Variants in GPC5 observed in about 807,000 individuals in gnomAD.
GPC5 encodes glypican-5.
Under a neutral mutation model 53.9 loss-of-function variants are expected in GPC5, and 47 were observed. The observed-to-expected ratio is 0.87, with a 90% confidence interval of 0.69 to 1.11. The LOEUF is 1.11. Among genes scored for constraint, GPC5 ranks in the 50% most tolerant of loss-of-function variants. The probability of loss-of-function intolerance (pLI) is 0.00; values close to 1 mark genes in which losing one functional copy is unlikely to be tolerated. For synonymous variants in GPC5, 286 were observed against 263.3 expected (o/e 1.09, Z -0.84); for missense variants, 748 against 713.1 (o/e 1.05, Z -0.56).
chr13:91,565,360 T>C lies in GPC5; in HGVS notation c.325+116438T>C, dbSNP rs112153297. On this transcript the variant is annotated intron_variant, in intron 2 of 7. Coordinates refer to ENST00000377067, the MANE Select transcript of GPC5 (RefSeq NM_004466.6). Reference sequence around the variant, plus strand: ...CAATGTACAGTTGTTAGAAAAAATTTGGAGTTTATACTGCTTAAGCAATGC... The same window carrying C: ...CAATGTACAGTTGTTAGAAAAAATTCGGAGTTTATACTGCTTAAGCAATGC... Among the ~76,000 whole-genome samples the C allele has an allele frequency of 8.5e-5, 13 of 152,280 alleles. 1 individual carries two copies. Among genetic ancestry groups the C allele is most frequent in the African/African-American group, 3.1e-4 (13 of 41,586 alleles).
At chr13:92,254,623 TA>T (rs1406759644) in intron 7 of GPC5, among the ~76,000 whole-genome samples, 9 of 152,146 alleles carry the variant, frequency 5.9e-5, no homozygotes, top group African/African-American at 2.2e-4. Flanking sequence ...GAGTAATTTA[TA>T]AAGGAAAGAG....
chr13:92,789,025 G>T (rs758343332), intron 7 of GPC5, among the ~76,000 whole-genome samples: 5 of 152,100 alleles, frequency 3.3e-5, no homozygotes, highest in Non-Finnish European at 7.4e-5. Flanking sequence ...GAAAGCCCTC[G>T]TCAGGCCAGC....
intron 7 of GPC5, among the ~76,000 whole-genome samples, chr13:92,556,998 T>C (rs542792225): frequency 6.3e-4 from 95 of 151,982 alleles, no homozygotes; most frequent in Non-Finnish European, 1.3e-3. Flanking sequence ...ACACAGGGAA[T>C]GTTTTAATCT....
At chr13:91,676,053 C>T (rs1255648086) in intron 2 of GPC5, among the ~76,000 whole-genome samples, 1 of 152,008 alleles carries the variant, frequency 6.6e-6, no homozygotes, top group African/African-American at 2.4e-5. Flanking sequence ...ATCATGGGAG[C>T]CTTTGGCTTT....
At position 91,931,776 on chromosome 13, in the gene GPC5, C is replaced by T. The variant is rs183657556; in HGVS notation, c.1401+23719C>T. 3.1e-4 allele frequency among the ~76,000 whole-genome samples: 47 copies of T among 152,090 alleles called. No individual in the cohort carries two copies. In the East Asian group the frequency reaches 7.3e-3, roughly 24 times the overall value. On this transcript the variant is annotated intron_variant, in intron 6 of 7. Transcript: ENST00000377067. ...TTTTATTGCTTCAGCCCCAAATTCACGAATGAGTTGATTCGTGGCACTTCA... is the reference window on the plus strand; with the variant it reads ...TTTTATTGCTTCAGCCCCAAATTCATGAATGAGTTGATTCGTGGCACTTCA...
chr13:92,212,357 T>C (rs916928302), intron 7 of GPC5, among the ~76,000 whole-genome samples: 2 of 152,162 alleles, frequency 1.3e-5, no homozygotes, highest in African/African-American at 4.8e-5. Context: ...ATGAGTATTT[T>C]TATTTACAGT....
intron 7 of GPC5, among the ~76,000 whole-genome samples, chr13:92,668,307 T>C (rs1386102670): frequency 6.6e-6 from 1 of 152,150 alleles, no homozygotes; most frequent in African/African-American, 2.4e-5. Flanking sequence ...TCTTCCCATT[T>C]TATATTTATG....
At chr13:92,037,084 A>G (rs2040899326) in intron 6 of GPC5, among the ~76,000 whole-genome samples, 1 of 152,184 alleles carries the variant, frequency 6.6e-6, no homozygotes, top group South Asian at 2.1e-4. Flanking sequence ...TTATGCTCAC[A>G]AATAACCAAA....
At chr13:92,313,399 C>A (rs1268302433) in intron 7 of GPC5, among the ~76,000 whole-genome samples, 1 of 152,196 alleles carries the variant, frequency 6.6e-6, no homozygotes, top group Non-Finnish European at 1.5e-5. Flanking sequence ...CACATAGTGT[C>A]TGAATTTTAC....
At chr13:91,743,938 A>G (rs537637924) in intron 4 of GPC5, among the ~76,000 whole-genome samples, 16 of 152,222 alleles carry the variant, frequency 1.1e-4, no homozygotes, top group African/African-American at 3.9e-4. Flanking sequence ...CAGAAATGTG[A>G]TTCATTCTGG....
chr13:92,377,060 C>G (rs893698037), intron 7 of GPC5, among the ~76,000 whole-genome samples: 1 of 151,884 alleles, frequency 6.6e-6, no homozygotes, highest in Non-Finnish European at 1.5e-5. Context: ...TGAAGTAAGA[C>G]AGTCATGTGG....
intron 7 of GPC5, among the ~76,000 whole-genome samples, chr13:92,223,363 C>T (rs1023107336): frequency 6.6e-6 from 1 of 152,118 alleles, no homozygotes; most frequent in Non-Finnish European, 1.5e-5. Context: ...CGGGTTCAAC[C>T]ATTCTTTCAC....
intron 7 of GPC5, among the ~76,000 whole-genome samples, chr13:92,528,838 A>T (rs1223653901): frequency 6.6e-6 from 1 of 151,954 alleles, no homozygotes. Context: ...ATTTTATAAA[A>T]TTTTTATAAA....
At chr13:92,789,928 G>T (rs1348941632) in intron 7 of GPC5, among the ~76,000 whole-genome samples, 2 of 152,090 alleles carry the variant, frequency 1.3e-5, no homozygotes, top group Non-Finnish European at 2.9e-5. Flanking sequence ...TCAGTCTATG[G>T]CCAAAAGCCT....
chr13:92,081,634 G>A (rs765079799), intron 6 of GPC5, among the ~76,000 whole-genome samples: 3 of 152,024 alleles, frequency 2.0e-5, no homozygotes, highest in Non-Finnish European at 2.9e-5. Flanking sequence ...GAGGAAAGAA[G>A]ATTAAAAATA....
intron 6 of GPC5, among the ~76,000 whole-genome samples, chr13:92,103,337 A>G (rs1410131646): frequency 6.6e-6 from 1 of 152,198 alleles, no homozygotes; most frequent in Non-Finnish European, 1.5e-5. Flanking sequence ...TAGCATAATT[A>G]CAAATTATGT....
intron 3 of GPC5, among the ~76,000 whole-genome samples, chr13:91,699,633 T>G (rs1287554440): frequency 6.6e-6 from 1 of 152,172 alleles, no homozygotes; most frequent in Non-Finnish European, 1.5e-5. Flanking sequence ...TTGTAACAAT[T>G]GAGAGCGGAA....
intron 7 of GPC5, among the ~76,000 whole-genome samples, chr13:92,597,217 A>G (rs923086467): frequency 6.6e-5 from 10 of 151,508 alleles, no homozygotes; most frequent in East Asian, 5.8e-4. Flanking sequence ...GCATATCTCA[A>G]CCATCCACAT....
At chr13:91,709,449 C>T (rs1231488134) in intron 3 of GPC5, among the ~76,000 whole-genome samples, 1 of 152,112 alleles carries the variant, frequency 6.6e-6, no homozygotes, top group Non-Finnish European at 1.5e-5. Context: ...CTTTAGCATT[C>T]GGTCTTCTCT....
Sources: gnomAD v4.1 joint callset for allele counts (sites outside exome capture counted in the v4.1 genomes callset) on GRCh38, gnomAD v4.1.1 for gene constraint, MANE v1.5 for transcripts, NCBI Gene and HGNC (gene_info 2026-07-23, HGNC 2026-07-21) for gene names.